Variants in F8 observed in about 807,000 individuals in gnomAD.
The protein encoded by F8 is coagulation factor VIII.
Under a neutral mutation model 140.6 loss-of-function variants are expected in F8, and 12 were observed. The ratio of observed to expected loss-of-function variants is 0.09; its 90% CI spans 0.05 to 0.14. The LOEUF (loss-of-function observed/expected upper bound fraction) is 0.14, where lower values mean the gene tolerates loss of function less well. Ranked by LOEUF, F8 falls within the 10% of genes least tolerant of loss-of-function variation. The pLI is 1.00. For synonymous variants in F8, 585 were observed against 614.6 expected, an observed-to-expected ratio of 0.95 and a Z score of 0.71; for missense variants, 1,354 against 1,720.7, an observed-to-expected ratio of 0.79 and a Z score of 3.77.
intron 4 of F8, among the ~76,000 whole-genome samples, chrX:154,991,279 T>C (rs2073586657): frequency 8.9e-6 from 1 of 112,033 alleles, no homozygotes; most frequent in East Asian, 2.8e-4. Flanking sequence ...GTCCTGGAGC[T>C]CTCTTTGCAA....
chrX:154,866,680 A>G (rs2072733473), intron 22 of F8, among the ~76,000 whole-genome samples: 1 of 111,455 alleles, frequency 9.0e-6, no homozygotes, highest in Non-Finnish European at 1.9e-5. Context: ...ACCAAAACTT[A>G]AAGGATGCAG....
At chrX:154,988,904 A>C (rs1557284459) in intron 4 of F8, among the ~76,000 whole-genome samples, 1 of 111,611 alleles carries the variant, frequency 9.0e-6, no homozygotes, top group African/African-American at 3.3e-5. Context: ...TATCCTTGTC[A>C]TCCTGACTCC....
chrX:154,957,596 T>G (rs782363820), intron 10 of F8, among the ~76,000 whole-genome samples: 2 of 111,377 alleles, frequency 1.8e-5, no homozygotes, highest in Admixed American at 1.9e-4. Context: ...TTTATATTCA[T>G]TCTAAGCTCT....
At chrX:154,869,731 C>T (rs1557273424) in intron 22 of F8, among the ~76,000 whole-genome samples, 1 of 111,151 alleles carries the variant, frequency 9.0e-6, no homozygotes, top group South Asian at 3.7e-4. Context: ...ACAAAAAAAC[C>T]TTCAAAAAAT....
At chrX:155,013,025 C>G (rs5945272) in intron 1 of F8, among the ~76,000 whole-genome samples, 1 of 107,370 alleles carries the variant, frequency 9.3e-6, no homozygotes, top group South Asian at 4.2e-4. Flanking sequence ...GGGCGCCTGT[C>G]GTCCCAGCTA....
chrX:154,965,962 CA>C lies in F8; in HGVS notation c.1443+7del. The C allele has an allele frequency of 8.3e-7, 1 of 1,210,448 alleles. No individual in the cohort carries two copies. Among genetic ancestry groups the C allele is most frequent in the Non-Finnish European group, 1.1e-6 (1 of 894,484 alleles). On this transcript the variant is annotated splice_region_variant and intron_variant, in intron 9 of 25. Transcript: ENST00000360256. ...CTTACCTGACCTTAAATCTTTTCTT[CA>C]ACTTACCAACAGTGTGTCTCCAACT...
chrX:154,982,381 G>C (rs1348558247), intron 6 of F8, among the ~76,000 whole-genome samples: 3 of 100,516 alleles, frequency 3.0e-5, no homozygotes, highest in Non-Finnish European at 6.0e-5. Context: ...CCGGGGGGCA[G>C]AGCCTGCAGT....
intron 13 of F8, among the ~76,000 whole-genome samples, chrX:154,940,089 ACT>A (rs2073250548): frequency 9.0e-6 from 1 of 111,249 alleles, no homozygotes; most frequent in Non-Finnish European, 1.9e-5. Context: ...AAAACCAAAA[ACT>A]CTAAGAATCA....
intron 12 of F8, among the ~76,000 whole-genome samples, chrX:154,951,713 G>A (rs1557280762): frequency 9.1e-6 from 1 of 109,586 alleles, no homozygotes; most frequent in Non-Finnish European, 1.9e-5. Flanking sequence ...TTATCCCTCT[G>A]TCTTAGCATC....
At chrX:154,845,381 T>C (rs1367824689) in intron 25 of F8, among the ~76,000 whole-genome samples, 7 of 112,180 alleles carry the variant, frequency 6.2e-5, no homozygotes, top group African/African-American at 1.9e-4. Flanking sequence ...CAGCTCCTCC[T>C]TGTAGTTCTG....
chrX:154,858,498 G>A (rs2072665894), intron 25 of F8, among the ~76,000 whole-genome samples: 1 of 112,442 alleles, frequency 8.9e-6, no homozygotes, highest in Non-Finnish European at 1.9e-5. Flanking sequence ...TCACAATGGA[G>A]GTATGGAAGA....
Position 154,961,182 on chromosome X carries a change from C to T in F8, c.1444-14G>A, listed in dbSNP as rs782450685. 9 of 1,090,513 alleles carry T rather than the reference C, an allele frequency of 8.3e-6. No homozygotes were observed. Among genetic ancestry groups the T allele is most frequent in the Non-Finnish European group, 1.1e-5 (9 of 787,527 alleles). 89.9% of individuals were successfully genotyped at this position (1,090,513 alleles called of 1,213,427 possible). A position where few individuals can be genotyped will look rare whatever the true frequency, so the allele number is the denominator to read the frequency against. ...CTTAAATATAATCTGAAAGTATAAG[C>T]GAGATCTAAGATCAAATCCTAAAAC... is the stretch of plus-strand genomic sequence containing the variant. On this transcript the variant is annotated splice_polypyrimidine_tract_variant and intron_variant, in intron 9 of 25. Transcript: ENST00000360256.
intron 25 of F8, among the ~76,000 whole-genome samples, chrX:154,856,882 A>G (rs1220919181): frequency 8.9e-6 from 1 of 112,269 alleles, no homozygotes; most frequent in Non-Finnish European, 1.9e-5. Flanking sequence ...CCAAAATGTC[A>G]CTGTGGTCCA....
At chrX:155,001,597 G>A (rs2073647057) in intron 1 of F8, among the ~76,000 whole-genome samples, 1 of 111,178 alleles carries the variant, frequency 9.0e-6, no homozygotes, top group African/African-American at 3.3e-5. Flanking sequence ...GCCCAAGCAT[G>A]TTTAAATATA....
chrX:154,896,265 AT>A, intron 21 of F8, 33 bp from the exon 22 acceptor site: 1 of 1,179,457 alleles, frequency 8.5e-7, no homozygotes. Flanking sequence ...ATTTTAACCT[AT>A]TTTTAAATGT....
chrX:154,936,995 G>A (rs1015011694), intron 13 of F8, among the ~76,000 whole-genome samples: 4 of 111,042 alleles, frequency 3.6e-5, no homozygotes, highest in East Asian at 5.6e-4. Context: ...AAGAAATAAC[G>A]TAAAATTTAT....
At position 154,896,157 on chromosome X, in the gene F8, T is replaced by C; in HGVS notation, c.6349A>G (p.Ile2117Val). The C allele has an allele frequency of 8.3e-7, 1 of 1,210,388 alleles. No individual in the cohort carries two copies. The change falls in exon 22 of 26, where the codon ATC (isoleucine) becomes GTC (valine). Residue 2117 changes from isoleucine (I) to valine (V), a missense_variant. By Grantham distance (29) the Ile-to-Val change is conservative. Coordinates refer to ENST00000360256, the MANE Select transcript of F8 (RefSeq NM_000132.4). ...CTATACATGATGATAAACTGAGAGATGTAGAGGCTGGAGAACTTCTGACGG... is the reference window on the plus strand; with the variant it reads ...CTATACATGATGATAAACTGAGAGACGTAGAGGCTGGAGAACTTCTGACGG... ...GARQKFSSLY[I>V]SQFIIMYSLD... is the part of the protein sequence containing the mutation.
chrX:154,929,301 T>C lies in F8; in HGVS notation c.4489A>G (p.Thr1497Ala), dbSNP rs1329679911. The stretch of plus-strand genomic sequence containing the variant: ...GGCAAGTCTGGTTTCGGGAGAACAG[T>C]GTTCTCAACTTTCTTGTATGTGACT... ...NSVTYKKVENTVLPKPDLPKT... is the reference protein window; with the variant it reads ...NSVTYKKVENAVLPKPDLPKT... The change falls in exon 14 of 26, where the codon ACT (threonine) becomes GCT (alanine). Residue 1497 changes from threonine (T) to alanine (A), a missense_variant. Thr to Ala is a moderately conservative substitution (Grantham distance 58). Around this residue, in one of 4 missense-constraint regions of F8, gnomAD observed 658 missense variants for 666.5 expected, o/e 0.99. Transcript: ENST00000360256. 8.3e-7 allele frequency: 1 copy of C among 1,210,423 alleles called. No individual in the cohort carries two copies. Among genetic ancestry groups the C allele is most frequent in the African/African-American group, 1.7e-5 (1 of 57,273 alleles).
rs1557278611 is a variant in F8 at position 154,930,166 on chromosome X, A to G, written c.3624T>C (p.Asn1208=). The change falls in exon 14 of 26, where the codon AAT becomes AAC. Residue 1208 remains asparagine (N), a synonymous_variant. Coordinates refer to ENST00000360256, the MANE Select transcript of F8 (RefSeq NM_000132.4). ...TTTCTTCCTGAATTTTTTTTTCTTG[A>G]TTGTGTGTATTATTTTCATGTAAAT... The part of the protein sequence containing the change: ...LDNLHENNTH[N]QEKKIQEEIE... 2 of 1,204,228 alleles carry G rather than the reference A, an allele frequency of 1.7e-6. No individual in the cohort carries two copies. The highest frequency in any genetic ancestry group is 2.2e-6 in the Non-Finnish European group (2 of 892,481).
Sources: gnomAD v4.1 joint callset for allele counts (sites outside exome capture counted in the v4.1 genomes callset) on GRCh38, gnomAD v4.1.1 for gene constraint, gnomAD v4.1.1 regional missense constraint, MANE v1.5 for transcripts, NCBI Gene and HGNC (gene_info 2026-07-23, HGNC 2026-07-21) for gene names.